Variants in HMBOX1 observed in about 807,000 individuals in gnomAD.
HMBOX1 encodes homeobox containing 1, also known as homeobox-containing protein 1.
HMBOX1 carries 14 observed loss-of-function variants against 54.5 expected under a neutral mutation model. The observed-to-expected ratio is 0.26, with a 90% confidence interval of 0.17 to 0.40. The LOEUF (loss-of-function observed/expected upper bound fraction) is 0.40, where lower values mean the gene tolerates loss of function less well. Ranked by LOEUF, HMBOX1 falls within the 10% of genes least tolerant of loss-of-function variation. HMBOX1 has a pLI of 1.00. For synonymous variants in HMBOX1, 160 were observed against 181.0 expected (o/e 0.88, Z 0.93); for missense variants, 332 against 514.4 (o/e 0.65, Z 3.43).
intron 6 of HMBOX1, chr8:29,042,843 G>A (rs1236314390): frequency 2.9e-6 from 1 of 349,104 alleles, no homozygotes; most frequent in African/African-American, 2.1e-5. Flanking sequence ...GATAAACAGA[G>A]ATTGTTTTTG....
chr8:29,017,575 G>C, intron 5 of HMBOX1, among the ~76,000 whole-genome samples: 1 of 152,320 alleles, frequency 6.6e-6, no homozygotes. Flanking sequence ...GTTATGTATA[G>C]GTGGGATAAT....
At chr8:28,927,825 C>A (rs1818799812) in intron 1 of HMBOX1, among the ~76,000 whole-genome samples, 1 of 82,094 alleles carries the variant, frequency 1.2e-5, no homozygotes, top group Non-Finnish European at 2.3e-5. Flanking sequence ...AAGCGAAACT[C>A]AGTCTCAAAA....
At chr8:29,010,256 G>T (rs1357837524) in intron 5 of HMBOX1, 1 of 576,024 alleles carries the variant, frequency 1.7e-6, no homozygotes, top group Non-Finnish European at 2.2e-6. Flanking sequence ...CTCTTTCTTA[G>T]ATATAATAAT....
intron 6 of HMBOX1, among the ~76,000 whole-genome samples, chr8:29,037,772 A>G (rs1804144413): frequency 6.6e-6 from 1 of 152,172 alleles, no homozygotes; most frequent in Admixed American, 6.5e-5. Context: ...ATCATTTACC[A>G]CATAGATACT....
chr8:28,935,748 A>C (rs1032789240), intron 1 of HMBOX1, among the ~76,000 whole-genome samples: 3 of 152,162 alleles, frequency 2.0e-5, no homozygotes, highest in Non-Finnish European at 4.4e-5. Flanking sequence ...TGCATTATAA[A>C]AGGACATGCA....
intron 1 of HMBOX1, among the ~76,000 whole-genome samples, chr8:28,943,394 G>T (rs769775957): frequency 2.0e-5 from 3 of 152,136 alleles, no homozygotes; most frequent in Non-Finnish European, 4.4e-5. Context: ...GCAGTTTGTC[G>T]TGGAAAACTG....
intron 1 of HMBOX1, among the ~76,000 whole-genome samples, chr8:28,906,436 T>C (rs1814343746): frequency 1.3e-5 from 2 of 152,156 alleles, no homozygotes; most frequent in East Asian, 3.8e-4. Flanking sequence ...TAAAAAGTTA[T>C]TTTGTGTATT....
Position 28,970,790 on chromosome 8 carries a change from C to G in HMBOX1, c.500+271C>G, listed in dbSNP as rs1307270607. ...TCTGTTTATCAAACACTAATCTTCT[C>G]TATGACTCTAATAGCTAATTTCTGA... is the stretch of plus-strand genomic sequence containing the variant. On this transcript the variant is annotated intron_variant, in intron 3 of 9. Transcript: ENST00000287701. This position sits in a 1 kb window ranked among gnomAD's most constrained non-coding sequence, Gnocchi z 4.3. 1.2e-5 allele frequency: 4 copies of G among 326,650 alleles called. No individual in the cohort carries two copies. The highest frequency in any genetic ancestry group is 8.5e-5 in the African/African-American group (4 of 47,292). The allele number at this position is 326,650 out of a possible 1,614,324, so 20.2% of individuals were successfully genotyped here.
intron 6 of HMBOX1, among the ~76,000 whole-genome samples, chr8:29,024,627 C>A (rs1801735274): frequency 6.6e-6 from 1 of 151,860 alleles, no homozygotes; most frequent in African/African-American, 2.4e-5. Context: ...GCAGTAATAG[C>A]TTACATTTGA....
intron 1 of HMBOX1, among the ~76,000 whole-genome samples, chr8:28,913,522 G>T (rs1489210986): frequency 6.6e-6 from 1 of 152,040 alleles, no homozygotes; most frequent in Non-Finnish European, 1.5e-5. Flanking sequence ...CCTAGATTAG[G>T]TTAGGATATT....
chr8:28,993,302 A>G (rs1486327949), intron 4 of HMBOX1, among the ~76,000 whole-genome samples: 1 of 152,206 alleles, frequency 6.6e-6, no homozygotes, highest in East Asian at 1.9e-4. Flanking sequence ...TCTTTAAGAT[A>G]TACATACTCT....
At chr8:28,955,370 T>C (rs996525942) in intron 1 of HMBOX1, among the ~76,000 whole-genome samples, 1 of 152,188 alleles carries the variant, frequency 6.6e-6, no homozygotes, top group Non-Finnish European at 1.5e-5. Context: ...TCTTCTATGC[T>C]CTTGTACATA....
At position 28,926,304 on chromosome 8, in the gene HMBOX1, TACAC is replaced by T. The variant is rs10699056; in HGVS notation, c.-58+35642_-58+35645del. Among the ~76,000 whole-genome samples the T allele has an allele frequency of 2.8e-5, 4 of 142,216 alleles. 1 individual carries two copies. Among genetic ancestry groups the T allele is most frequent in the Middle Eastern group, 3.6e-3 (1 of 280 alleles). The allele number at this position is 142,216 out of a possible 152,430, so 93.3% of individuals were successfully genotyped here. A position where few individuals can be genotyped will look rare whatever the true frequency, so the allele number is the denominator to read the frequency against. On this transcript the variant is annotated intron_variant, in intron 1 of 9. Coordinates refer to ENST00000287701, the MANE Select transcript of HMBOX1 (RefSeq NM_001135726.3). ...GCAGATATATATATATATATATATA[TACAC>T]ACACACACACACACATATATTTTAG...
rs546254580 is a variant in HMBOX1 at position 29,000,408 on chromosome 8, T to C, written c.587-8664T>C. On this transcript the variant is annotated intron_variant, in intron 4 of 9. Transcript: ENST00000287701. Reference sequence around the variant, plus strand: ...ACAGCCCTATACAAGTTCATGACCTTCTAGATTCCTAGGAATATGTCATAG... The same window carrying C: ...ACAGCCCTATACAAGTTCATGACCTCCTAGATTCCTAGGAATATGTCATAG... 3.9e-5 allele frequency among the ~76,000 whole-genome samples: 6 copies of C among 152,328 alleles called. No individual in the cohort carries two copies. In the East Asian group the frequency reaches 1.2e-3, roughly 29 times the overall value.
chr8:28,926,559 T>G (rs944853462), intron 1 of HMBOX1, among the ~76,000 whole-genome samples: 1 of 152,086 alleles, frequency 6.6e-6, no homozygotes, highest in African/African-American at 2.4e-5. Flanking sequence ...TTTTAAATTT[T>G]TTTCTTTTTT....
chr8:28,926,586 C>G (rs1412027598), intron 1 of HMBOX1, among the ~76,000 whole-genome samples: 1 of 152,012 alleles, frequency 6.6e-6, no homozygotes, highest in East Asian at 1.9e-4. Flanking sequence ...GGGTCTTACT[C>G]TGTCCCCCAG....
chr8:28,914,704 A>T (rs1816183479), intron 1 of HMBOX1, among the ~76,000 whole-genome samples: 1 of 152,198 alleles, frequency 6.6e-6, no homozygotes, highest in Non-Finnish European at 1.5e-5. Flanking sequence ...TAAAATAAAT[A>T]TGTGGTTTTC....
chr8:29,029,903 T>C (rs1477895837), intron 6 of HMBOX1, among the ~76,000 whole-genome samples: 1 of 152,236 alleles, frequency 6.6e-6, no homozygotes, highest in East Asian at 1.9e-4. Flanking sequence ...TTGTACTTCT[T>C]GTTTCTCTTA....
intron 6 of HMBOX1, among the ~76,000 whole-genome samples, chr8:29,035,847 C>T (rs574423366): frequency 9.1e-4 from 139 of 152,258 alleles, no homozygotes; most frequent in Non-Finnish European, 1.8e-3. Flanking sequence ...TAAGTTGGTT[C>T]GAATTTGTCA....
Sources: allele counts gnomAD v4.1 joint callset (sites outside exome capture counted in the v4.1 genomes callset), GRCh38; gene constraint gnomAD v4.1.1; non-coding constraint Gnocchi (gnomAD v3.1); transcripts MANE v1.5; gene names NCBI Gene and HGNC (gene_info 2026-07-23, HGNC 2026-07-21).